Variants in TNR observed in about 807,000 individuals in gnomAD.
The protein encoded by TNR is tenascin R.
A neutral mutation model predicts 150.4 loss-of-function variants in TNR; 45 were observed. That is an observed-to-expected ratio of 0.30 (90% CI 0.24 to 0.38). The LOEUF is 0.38. Ranked by LOEUF, TNR falls within the 10% of genes least tolerant of loss-of-function variation. TNR has a pLI of 1.00. For synonymous variants in TNR, 687 were observed against 678.4 expected (o/e 1.01, Z -0.20); for missense variants, 1,544 against 1,759.1 (o/e 0.88, Z 2.19).
At chr1:175,459,871 A>AG (rs1656739520) in intron 2 of TNR, among the ~76,000 whole-genome samples, 1 of 150,730 alleles carries the variant, frequency 6.6e-6, no homozygotes, top group African/African-American at 2.4e-5. Context: ...ATGAAAGAAC[A>AG]AGAGAGAGAG....
intron 1 of TNR, among the ~76,000 whole-genome samples, chr1:175,566,262 T>C (rs560315019): frequency 3.3e-5 from 5 of 152,354 alleles, no homozygotes; most frequent in Admixed American, 1.3e-4. Context: ...TACCCTATGA[T>C]GTAGTTTACT....
chr1:175,589,442 T>C (rs1662705868), intron 1 of TNR, among the ~76,000 whole-genome samples: 1 of 152,168 alleles, frequency 6.6e-6, no homozygotes, highest in Non-Finnish European at 1.5e-5. Flanking sequence ...CATTCACTCA[T>C]GTACTCACTC....
chr1:175,369,698 C>A (rs1009000214), intron 9 of TNR, among the ~76,000 whole-genome samples: 4 of 152,140 alleles, frequency 2.6e-5, no homozygotes, highest in Non-Finnish European at 4.4e-5. Context: ...GAGTTCAGGG[C>A]TTTTAGGAGG....
intron 2 of TNR, among the ~76,000 whole-genome samples, chr1:175,502,728 G>T (rs1411474012): frequency 1.3e-5 from 2 of 152,142 alleles, no homozygotes; most frequent in African/African-American, 4.8e-5. Context: ...CAGTGGCGAG[G>T]GTTACAGACA....
intron 1 of TNR, among the ~76,000 whole-genome samples, chr1:175,684,840 G>C (rs1278191154): frequency 2.0e-5 from 3 of 152,138 alleles, no homozygotes; most frequent in Non-Finnish European, 4.4e-5. Context: ...TGTTTATCAT[G>C]GTTTAACCTA....
intron 1 of TNR, among the ~76,000 whole-genome samples, chr1:175,603,380 A>T (rs952758185): frequency 6.6e-6 from 1 of 152,220 alleles, no homozygotes; most frequent in East Asian, 1.9e-4. Context: ...GGTCAGTAAG[A>T]ATTGACAAAA....
At chr1:175,540,368 C>T (rs1571580375) in intron 1 of TNR, among the ~76,000 whole-genome samples, 2 of 152,128 alleles carry the variant, frequency 1.3e-5, no homozygotes, top group South Asian at 4.1e-4. Flanking sequence ...TGCCAGACTC[C>T]CAGGAGGGCC....
intron 1 of TNR, among the ~76,000 whole-genome samples, chr1:175,548,582 A>G (rs1238867707): frequency 6.6e-6 from 1 of 151,580 alleles, no homozygotes; most frequent in Non-Finnish European, 1.5e-5. Flanking sequence ...CAAATTGTGC[A>G]TGACCTTTCT....
intron 1 of TNR, among the ~76,000 whole-genome samples, chr1:175,588,185 T>C (rs1662652752): frequency 6.6e-6 from 1 of 152,238 alleles, no homozygotes; most frequent in Admixed American, 6.5e-5. Context: ...CATAACCGCT[T>C]AATGGCAACA....
At chr1:175,370,213 C>A (rs983620393) in intron 9 of TNR, among the ~76,000 whole-genome samples, 1 of 151,972 alleles carries the variant, frequency 6.6e-6, no homozygotes, top group Admixed American at 6.5e-5. Context: ...AAAACAGCAT[C>A]TATATCAGAG....
Position 175,323,094 on chromosome 1 carries a change from T to G in TNR, c.*263A>C, listed in dbSNP as rs1033100436. On this transcript the variant is annotated 3_prime_UTR_variant, in exon 23 of 23. Transcript: ENST00000367674. ...CTTTGAATTGGCCCTTTAAGAAAACTTCCTACTTCTCCTCCTTGGTGGGAA... is the reference window on the plus strand; with the variant it reads ...CTTTGAATTGGCCCTTTAAGAAAACGTCCTACTTCTCCTCCTTGGTGGGAA... 9 of 351,514 alleles carry G rather than the reference T, an allele frequency of 2.6e-5. No homozygotes were observed. The highest frequency in any genetic ancestry group is 1.7e-4 in the African/African-American group (8 of 47,386). 21.8% of individuals were successfully genotyped at this position (351,514 alleles called of 1,614,324 possible). A position where few individuals can be genotyped will look rare whatever the true frequency, so the allele number is the denominator to read the frequency against.
chr1:175,531,005 T>C (rs1660045261), intron 1 of TNR, among the ~76,000 whole-genome samples: 1 of 152,254 alleles, frequency 6.6e-6, no homozygotes, highest in African/African-American at 2.4e-5. Context: ...AAGAAGCTCC[T>C]GTCTTTGAGG....
Position 175,406,640 on chromosome 1 carries a change from C to T in TNR, c.75G>A (p.Met25Ile), listed in dbSNP as rs1230569649. ...CCAGCTGACACTCTGAAGGCTTGATCATGGAGCCCAGAAGGATCAGGTTGA... is the reference window on the plus strand; with the variant it reads ...CCAGCTGACACTCTGAAGGCTTGATTATGGAGCCCAGAAGGATCAGGTTGA... ...IGINLILLGS[M>I]IKPSECQLEV... The change falls in exon 3 of 23, where the codon ATG becomes ATA. Residue 25 changes from methionine to isoleucine, a missense_variant. By Grantham distance (10) the Met-to-Ile change is conservative (BLOSUM62 1). Around this residue, in one of 2 missense-constraint regions of TNR, gnomAD observed 1,254 missense variants for 1,329.4 expected, o/e 0.94. Transcript: ENST00000367674. 3.7e-6 allele frequency: 6 copies of T among 1,614,232 alleles called. No homozygotes were observed. The East Asian group carries it at 1.1e-4, about 30-fold the overall frequency.
At chr1:175,707,794 T>C (rs1380134782) in intron 1 of TNR, among the ~76,000 whole-genome samples, 2 of 152,174 alleles carry the variant, frequency 1.3e-5, no homozygotes, top group Non-Finnish European at 2.9e-5. Flanking sequence ...AAACTCTCTC[T>C]CTCAGTAAAT....
chr1:175,587,849 C>G (rs1276256054), intron 1 of TNR, among the ~76,000 whole-genome samples: 2 of 152,200 alleles, frequency 1.3e-5, no homozygotes, highest in Non-Finnish European at 1.5e-5. Context: ...TCTGATCAGC[C>G]TGTGCAGGTT....
intron 2 of TNR, among the ~76,000 whole-genome samples, chr1:175,453,589 A>C (rs1310694543): frequency 6.6e-6 from 1 of 152,190 alleles, no homozygotes; most frequent in South Asian, 2.1e-4. Flanking sequence ...GAGACAAGGC[A>C]TCTCTCTGTC....
intron 2 of TNR, among the ~76,000 whole-genome samples, chr1:175,443,391 C>T (rs1655882483): frequency 6.6e-6 from 1 of 152,172 alleles, no homozygotes; most frequent in Admixed American, 6.6e-5. Context: ...GCCTAGGATG[C>T]CCTACCTCTA....
chr1:175,733,626 C>G (rs4652115), intron 1 of TNR, among the ~76,000 whole-genome samples: 4 of 152,086 alleles, frequency 2.6e-5, no homozygotes, highest in Admixed American at 2.6e-4. Flanking sequence ...ATAACTCAGG[C>G]ACAGTGCCTC....
At chr1:175,482,971 T>A (rs1484708546) in intron 2 of TNR, among the ~76,000 whole-genome samples, 1 of 152,204 alleles carries the variant, frequency 6.6e-6, no homozygotes, top group Admixed American at 6.5e-5. Context: ...TCAAAGTGTG[T>A]CTTGTATGAA....
Sources: allele counts gnomAD v4.1 joint callset (sites outside exome capture counted in the v4.1 genomes callset), GRCh38; gene constraint gnomAD v4.1.1; regional missense constraint gnomAD v4.1.1; transcripts MANE v1.5; gene names NCBI Gene and HGNC (gene_info 2026-07-23, HGNC 2026-07-21).